Variants in PTPRF observed in about 807,000 individuals in gnomAD.
The protein encoded by PTPRF is receptor-type tyrosine-protein phosphatase F.
In PTPRF, 59 loss-of-function variants were observed where a neutral mutation model predicts 201.8. That is an observed-to-expected ratio of 0.29 (90% CI 0.24 to 0.36). The LOEUF is 0.36. PTPRF is among the 10% of genes least tolerant of loss of function. The pLI, the probability that PTPRF is intolerant of heterozygous loss-of-function variation, is 1.00. For missense variants in PTPRF, 2,132 were observed against 2,690.5 expected (o/e 0.79, Z 4.59); for synonymous variants, 1,088 against 1,089.7 (o/e 1.00, Z 0.03).
At position 43,621,080 on chromosome 1, in the gene PTPRF, A is replaced by G. The variant is rs1659099893; in HGVS notation, c.5520-17A>G. The G allele has an allele frequency of 1.2e-6, 2 of 1,613,058 alleles. No individual in the cohort carries two copies. Among genetic ancestry groups the G allele is most frequent in the South Asian group, 1.1e-5 (1 of 91,032 alleles). ...TGAGGCAAGCAGGACTCCTGACCCA[A>G]CTGTGTTTCTGAGCAGTGCTGGCGT... On this transcript the variant is annotated splice_polypyrimidine_tract_variant and intron_variant, in intron 32 of 33. Coordinates refer to ENST00000359947, the MANE Select transcript of PTPRF (RefSeq NM_002840.5).
At chr1:43,551,871 G>A (rs1645058360) in intron 3 of PTPRF, among the ~76,000 whole-genome samples, 1 of 152,096 alleles carries the variant, frequency 6.6e-6, no homozygotes, top group African/African-American at 2.4e-5. Flanking sequence ...CTCAGAGATG[G>A]TGAGTGACTT....
chr1:43,558,923 T>C lies in PTPRF; in HGVS notation c.379+4982T>C, dbSNP rs537546485. ...GAAAGCCCAGGAGGCCGCCAGACAT[T>C]CAGTGGTGTGGGGAGGGCACTGATG... On this transcript the variant is annotated intron_variant, in intron 5 of 33. Coordinates refer to ENST00000359947, the MANE Select transcript of PTPRF (RefSeq NM_002840.5). Among the ~76,000 whole-genome samples, 38 of 152,224 alleles carry C rather than the reference T, an allele frequency of 2.5e-4. No homozygotes were observed. In the East Asian group the frequency reaches 7.2e-3, roughly 29 times the overall value.
chr1:43,597,998 A>G lies in PTPRF; in HGVS notation c.2064A>G (p.Thr688=). 6.5e-7 allele frequency: 1 copy of G among 1,533,552 alleles called. No individual in the cohort carries two copies. The highest frequency in any genetic ancestry group is 8.8e-7 in the Non-Finnish European group (1 of 1,134,028). 95.0% of individuals were successfully genotyped at this position (1,533,552 alleles called of 1,614,324 possible). A position where few individuals can be genotyped will look rare whatever the true frequency, so the allele number is the denominator to read the frequency against. ...ACCGGGTGTGGGTGCGGGCACACAC[A>G]GACGTGGGCCCCGGCCCCGAGAGCA... The part of the protein sequence containing the change: ...TEYRVWVRAH[T]DVGPGPESSP... The change falls in exon 12 of 34, where the codon ACA becomes ACG. Residue 688 remains threonine (T), a synonymous_variant. Coordinates refer to ENST00000359947, the MANE Select transcript of PTPRF (RefSeq NM_002840.5).
At chr1:43,590,189 C>A (rs952664101) in intron 8 of PTPRF, among the ~76,000 whole-genome samples, 1 of 152,174 alleles carries the variant, frequency 6.6e-6, no homozygotes, top group African/African-American at 2.4e-5. Flanking sequence ...TTCCAGGCCT[C>A]AGCTTGGTGA....
At chr1:43,572,959 A>G (rs925128822) in intron 6 of PTPRF, among the ~76,000 whole-genome samples, 2 of 152,054 alleles carry the variant, frequency 1.3e-5, no homozygotes, top group African/African-American at 2.4e-5. Flanking sequence ...TCCAGACCCC[A>G]GGCCCCCACT....
chr1:43,531,470 C>A (rs1251059143), intron 1 of PTPRF, among the ~76,000 whole-genome samples: 1 of 147,282 alleles, frequency 6.8e-6, no homozygotes, highest in Non-Finnish European at 1.5e-5. Context: ...CTCGTCCCCC[C>A]TTCTAGCGCG....
rs777537382 is a variant in PTPRF, at chr1:43,603,548, A to T, written c.2458+15A>T. The stretch of plus-strand genomic sequence containing the variant: ...AACAGGTGCAGGTGAGTGAGGGGTC[A>T]GGACGGACCTGAGGGTGGGGCAGCA... On this transcript the variant is annotated intron_variant, in intron 15 of 33. Transcript: ENST00000359947. This position sits in a 1 kb window ranked among gnomAD's most constrained non-coding sequence, Gnocchi z 5.8. 6.2e-7 allele frequency: 1 copy of T among 1,613,190 alleles called. No individual in the cohort carries two copies. The highest frequency in any genetic ancestry group is 1.7e-5 in the Admixed American group (1 of 60,008).
chr1:43,598,209 A>C (rs946331506), intron 12 of PTPRF, 156 bp downstream of exon 12: 1 of 785,474 alleles, frequency 1.3e-6, no homozygotes. Context: ...CACTTACGGG[A>C]TAACTGAGGC....
rs1024747975 is a variant in PTPRF at position 43,537,142 on chromosome 1, C to T, written c.-125-1056C>T. ...TGCAGCTTGCGTCGAGTAGGCCAAA[C>T]AGCTGAGCTTCCGTGAAGTGGTGAT... On this transcript the variant is annotated intron_variant, in intron 1 of 33. Transcript: ENST00000359947. The surrounding 1 kb of genome is among the most constrained non-coding windows in gnomAD (Gnocchi z 4.8). 1.3e-5 allele frequency among the ~76,000 whole-genome samples: 2 copies of T among 152,076 alleles called. No individual in the cohort carries two copies. The highest frequency in any genetic ancestry group is 4.8e-5 in the African/African-American group (2 of 41,392).
At chr1:43,609,184 A>AC in intron 21 of PTPRF, among the ~76,000 whole-genome samples, 199 bp from the exon 22 acceptor site, 1 of 145,082 alleles carries the variant, frequency 6.9e-6, no homozygotes, top group Non-Finnish European at 1.5e-5. Flanking sequence ...TGCTCTCCCT[A>AC]CCCCCTCCCT....
intron 6 of PTPRF, among the ~76,000 whole-genome samples, chr1:43,571,454 G>A (rs895158814): frequency 6.6e-6 from 1 of 152,070 alleles, no homozygotes; most frequent in Non-Finnish European, 1.5e-5. Context: ...TCCAAAATTC[G>A]ACCTGCCTTC....
chr1:43,543,951 C>G (rs1644501791), intron 2 of PTPRF, among the ~76,000 whole-genome samples: 1 of 152,236 alleles, frequency 6.6e-6, no homozygotes, highest in Non-Finnish European at 1.5e-5. Context: ...TGGTGCCCCC[C>G]AGGTGAGGGG....
Position 43,605,258 on chromosome 1 carries a change from G to A in PTPRF, c.3204G>A (p.Gln1068=). ...TGCGGAAGCTGATCGCAGACCTGCA[G>A]CCCAACACAGAGTACTCGTTTGTGC... is the stretch of plus-strand genomic sequence containing the variant. The part of the protein sequence containing the change: ...HSMRKLIADL[Q]PNTEYSFVLM... The change falls in exon 18 of 34, where the codon CAG becomes CAA. Residue 1068 remains glutamine (Q), a synonymous_variant. Coordinates refer to ENST00000359947, the MANE Select transcript of PTPRF (RefSeq NM_002840.5). 1.9e-6 allele frequency: 3 copies of A among 1,612,012 alleles called. No individual in the cohort carries two copies. The highest frequency in any genetic ancestry group is 2.5e-6 in the Non-Finnish European group (3 of 1,178,516).
Position 43,606,270 on chromosome 1 carries a change from G to GAGC in PTPRF, c.3518_3520dup (p.Gln1173dup). On this transcript the variant is annotated inframe_insertion, in exon 20 of 34. Coordinates refer to ENST00000359947, the MANE Select transcript of PTPRF (RefSeq NM_002840.5). ...AGAAGCCATCGAGCAAGGCGGAGAGGAGCAGCGGCGGCGGCGGCGGCAGGC... is the reference window on the plus strand; with the variant it reads ...AGAAGCCATCGAGCAAGGCGGAGAGGAGCAGCAGCGGCGGCGGCGGCGGCAGGC... 1 of 1,613,898 alleles carries GAGC rather than the reference G, an allele frequency of 6.2e-7. No individual in the cohort carries two copies. The highest frequency in any genetic ancestry group is 8.5e-7 in the Non-Finnish European group (1 of 1,180,000).
intron 3 of PTPRF, among the ~76,000 whole-genome samples, chr1:43,551,033 G>C (rs1446928556): frequency 6.6e-6 from 1 of 152,206 alleles, no homozygotes; most frequent in Non-Finnish European, 1.5e-5. Flanking sequence ...GGTGTTTGGA[G>C]AGTGATTCGG....
intron 16 of PTPRF, 74 bp downstream of exon 16, chr1:43,604,263 G>C: frequency 6.9e-7 from 1 of 1,450,594 alleles, no homozygotes; most frequent in Admixed American, 2.0e-5. Context: ...TTGAGCCACT[G>C]ACCTCTGGCG....
At chr1:43,558,517 G>A (rs1645550921) in intron 5 of PTPRF, among the ~76,000 whole-genome samples, 1 of 152,202 alleles carries the variant, frequency 6.6e-6, no homozygotes, top group Admixed American at 6.5e-5. Flanking sequence ...CCCAGCACAA[G>A]CTGGCCGGGG....
chr1:43,539,384 G>A (rs1356351083), intron 2 of PTPRF, among the ~76,000 whole-genome samples: 1 of 152,174 alleles, frequency 6.6e-6, no homozygotes, highest in Non-Finnish European at 1.5e-5. Context: ...TTCTGGTTGG[G>A]CCATCCTGAG....
In PTPRF at chr1:43,591,526, A is replaced by G. The variant is rs996952375; in HGVS notation, c.1504A>G (p.Thr502Ala). 4 of 1,597,164 alleles carry G rather than the reference A, an allele frequency of 2.5e-6. No individual in the cohort carries two copies. The highest frequency in any genetic ancestry group is 3.4e-5 in the Admixed American group (2 of 58,888). The stretch of plus-strand genomic sequence containing the variant: ...CGTGGGCGATGGCCCTCCCAGCCCC[A>G]CCATCCAGGTCAAGACGCAGCAGGG... ...TAVGDGPPSPTIQVKTQQGVP... is the reference protein window; with the variant it reads ...TAVGDGPPSPAIQVKTQQGVP... Residue 502 changes from threonine to alanine, a missense_variant, in exon 9 of 34, where the codon ACC (threonine) becomes GCC (alanine). Transcript: ENST00000359947.
Sources: allele counts gnomAD v4.1 joint callset (sites outside exome capture counted in the v4.1 genomes callset), GRCh38; gene constraint gnomAD v4.1.1; non-coding constraint Gnocchi (gnomAD v3.1); transcripts MANE v1.5; gene names NCBI Gene and HGNC (gene_info 2026-07-23, HGNC 2026-07-21).